Variants in PRKCA observed in about 807,000 individuals in gnomAD.
PRKCA encodes protein kinase C alpha type.
In PRKCA, 27 loss-of-function variants were observed where a neutral mutation model predicts 87.0. The ratio of observed to expected loss-of-function variants is 0.31; its 90% CI spans 0.23 to 0.43. The LOEUF is 0.43. Ranked by LOEUF, PRKCA falls within the 20% of genes least tolerant of loss-of-function variation. PRKCA has a pLI of 1.00. For missense variants in PRKCA, 518 were observed against 852.3 expected, an observed-to-expected ratio of 0.61 and a Z score of 4.88; for synonymous variants, 329 against 311.1, an observed-to-expected ratio of 1.06 and a Z score of -0.61.
At chr17:66,511,202 A>G (rs1456101156) in intron 3 of PRKCA, among the ~76,000 whole-genome samples, 1 of 152,122 alleles carries the variant, frequency 6.6e-6, no homozygotes, top group Non-Finnish European at 1.5e-5. Flanking sequence ...TAGAATGAGC[A>G]TGGGATATCA....
In PRKCA at chr17:66,393,432, G is replaced by C. The variant is rs147898237; in HGVS notation, c.205+87305G>C. On this transcript the variant is annotated intron_variant, in intron 2 of 16. Coordinates refer to ENST00000413366, the MANE Select transcript of PRKCA (RefSeq NM_002737.3). ...GGACACACACACACACATCACATTTGCAGCCATCTCAATTTAGTAGAGGAA... is the reference window on the plus strand; with the variant it reads ...GGACACACACACACACATCACATTTCCAGCCATCTCAATTTAGTAGAGGAA... Among the ~76,000 whole-genome samples the C allele has an allele frequency of 5.9e-5, 9 of 152,078 alleles. No homozygotes were observed. In the East Asian group the frequency reaches 1.7e-3, roughly 29 times the overall value.
intron 8 of PRKCA, among the ~76,000 whole-genome samples, chr17:66,730,691 C>A (rs557838978): frequency 2.6e-5 from 4 of 152,126 alleles, no homozygotes; most frequent in Non-Finnish European, 4.4e-5. Flanking sequence ...TTGATTTTGG[C>A]GGGTTTTGGC....
chr17:66,380,090 T>G (rs1039926772), intron 2 of PRKCA, among the ~76,000 whole-genome samples: 1 of 152,172 alleles, frequency 6.6e-6, no homozygotes, highest in Non-Finnish European at 1.5e-5. Flanking sequence ...TGCTCTGAAA[T>G]TGAGCTGACT....
chr17:66,469,639 T>G (rs1488033477), intron 2 of PRKCA, among the ~76,000 whole-genome samples: 1 of 152,236 alleles, frequency 6.6e-6, no homozygotes, highest in African/African-American at 2.4e-5. Flanking sequence ...TTAAATTATC[T>G]TCCTCCCTAG....
intron 3 of PRKCA, among the ~76,000 whole-genome samples, chr17:66,514,251 C>T (rs943844680): frequency 6.6e-6 from 1 of 152,112 alleles, no homozygotes; most frequent in Non-Finnish European, 1.5e-5. Flanking sequence ...GTAGGCCCTA[C>T]AGATAAAAGG....
At chr17:66,410,901 C>G (rs1911754971) in intron 2 of PRKCA, among the ~76,000 whole-genome samples, 2 of 151,878 alleles carry the variant, frequency 1.3e-5, no homozygotes, top group Admixed American at 1.3e-4. Flanking sequence ...TGAACTTAAC[C>G]AGTAAATTAC....
intron 3 of PRKCA, among the ~76,000 whole-genome samples, chr17:66,538,323 G>T (rs1967860015): frequency 6.6e-6 from 1 of 152,130 alleles, no homozygotes; most frequent in African/African-American, 2.4e-5. Context: ...CCAACTGACT[G>T]CTCTGGGCTA....
At chr17:66,304,994 C>T (rs1904734198) in intron 1 of PRKCA, among the ~76,000 whole-genome samples, 1 of 152,140 alleles carries the variant, frequency 6.6e-6, no homozygotes, top group Non-Finnish European at 1.5e-5. Context: ...TGTCTTTCCA[C>T]TATCAGTTGC....
intron 13 of PRKCA, among the ~76,000 whole-genome samples, chr17:66,754,214 G>A (rs936750174): frequency 1.8e-4 from 28 of 151,826 alleles, no homozygotes; most frequent in African/African-American, 6.5e-4. Context: ...TCATATATAT[G>A]TTCATATATA....
intron 2 of PRKCA, among the ~76,000 whole-genome samples, chr17:66,350,808 A>C (rs1053687610): frequency 3.3e-5 from 5 of 152,112 alleles, no homozygotes; most frequent in Non-Finnish European, 5.9e-5. Context: ...TACAGACGTG[A>C]GGCACCGTGA....
intron 2 of PRKCA, among the ~76,000 whole-genome samples, chr17:66,319,632 C>T (rs1334195263): frequency 6.6e-6 from 1 of 152,018 alleles, no homozygotes; most frequent in African/African-American, 2.4e-5. Flanking sequence ...CTTTTTGTCA[C>T]TAAGAAGTAA....
At chr17:66,337,386 G>A (rs893097899) in intron 2 of PRKCA, among the ~76,000 whole-genome samples, 4 of 152,102 alleles carry the variant, frequency 2.6e-5, no homozygotes, top group Admixed American at 1.3e-4. Flanking sequence ...AGTATTGTTT[G>A]TGGTAGATCT....
At chr17:66,618,954 A>G (rs1442201956) in intron 3 of PRKCA, among the ~76,000 whole-genome samples, 1 of 152,214 alleles carries the variant, frequency 6.6e-6, no homozygotes, top group Non-Finnish European at 1.5e-5. Context: ...TCCCCAGGAA[A>G]TAGATGAGGA....
intron 5 of PRKCA, among the ~76,000 whole-genome samples, chr17:66,674,878 C>T (rs1291698781): frequency 6.6e-6 from 1 of 152,200 alleles, no homozygotes; most frequent in Non-Finnish European, 1.5e-5. Context: ...ATTGTTCATG[C>T]TTGAGAAATC....
chr17:66,362,249 C>G (rs1169937358), intron 2 of PRKCA, among the ~76,000 whole-genome samples: 1 of 152,154 alleles, frequency 6.6e-6, no homozygotes, highest in Non-Finnish European at 1.5e-5. Context: ...GTTGGCCAGA[C>G]TGGTCTTGAA....
intron 3 of PRKCA, among the ~76,000 whole-genome samples, chr17:66,631,407 T>G (rs1255827708): frequency 6.6e-6 from 1 of 152,198 alleles, no homozygotes; most frequent in Admixed American, 6.5e-5. Context: ...AACATCTTAT[T>G]TTTATTACTG....
At chr17:66,696,423 G>C (rs1041193452) in intron 8 of PRKCA, 1 of 152,150 alleles carries the variant, frequency 6.6e-6, no homozygotes, top group South Asian at 2.1e-4. Flanking sequence ...CCTTGTTTAC[G>C]AAGTGGAGAT....
intron 3 of PRKCA, among the ~76,000 whole-genome samples, chr17:66,572,823 T>A (rs1267795850): frequency 6.6e-6 from 1 of 152,166 alleles, no homozygotes; most frequent in Non-Finnish European, 1.5e-5. Flanking sequence ...TTTTAAAATG[T>A]TATATATTTT....
chr17:66,375,865 A>T (rs1469187855), intron 2 of PRKCA, among the ~76,000 whole-genome samples: 3 of 152,154 alleles, frequency 2.0e-5, no homozygotes, highest in African/African-American at 7.2e-5. Context: ...AATCCTCGTA[A>T]GCCTGGGTCC....
Sources: allele counts gnomAD v4.1 joint callset (sites outside exome capture counted in the v4.1 genomes callset), GRCh38; gene constraint gnomAD v4.1.1; transcripts MANE v1.5; gene names NCBI Gene and HGNC (gene_info 2026-07-23, HGNC 2026-07-21).